Variants in MAP2K6 observed in about 807,000 individuals in gnomAD.
The protein encoded by MAP2K6 is dual specificity mitogen-activated protein kinase kinase 6.
MAP2K6 carries 16 observed loss-of-function variants against 53.7 expected under a neutral mutation model. The observed-to-expected ratio is 0.30, with a 90% CI of 0.20 to 0.45. The LOEUF is 0.45. MAP2K6 is among the 20% of genes least tolerant of loss of function. MAP2K6 has a pLI of 1.00. For synonymous variants in MAP2K6, 132 were observed against 143.1 expected, an observed-to-expected ratio of 0.92 and a Z score of 0.55; for missense variants, 204 against 411.9, an observed-to-expected ratio of 0.50 and a Z score of 4.37.
chr17:69,479,725 T>G (rs1445095738), intron 1 of MAP2K6, among the ~76,000 whole-genome samples: 1 of 151,482 alleles, frequency 6.6e-6, no homozygotes. Flanking sequence ...TGTTCTTTTT[T>G]TTTTTTTTTT....
At chr17:69,528,616 T>C (rs1910909961) in intron 10 of MAP2K6, among the ~76,000 whole-genome samples, 1 of 151,990 alleles carries the variant, frequency 6.6e-6, no homozygotes, top group Non-Finnish European at 1.5e-5. Context: ...TCCAGCACTT[T>C]GGGAGGCCAA....
chr17:69,539,149 A>C (rs947606459), intron 11 of MAP2K6, among the ~76,000 whole-genome samples: 1 of 152,220 alleles, frequency 6.6e-6, no homozygotes, highest in African/African-American at 2.4e-5. Flanking sequence ...TGTTAAACAA[A>C]GATGCCTGAC....
chr17:69,497,543 A>G (rs1282353886), intron 1 of MAP2K6, among the ~76,000 whole-genome samples: 1 of 150,902 alleles, frequency 6.6e-6, no homozygotes. Flanking sequence ...TTTCTGAAGC[A>G]TGGATGTGGC....
chr17:69,461,480 C>T (rs1205884958), intron 1 of MAP2K6, among the ~76,000 whole-genome samples: 1 of 152,130 alleles, frequency 6.6e-6, no homozygotes, highest in African/African-American at 2.4e-5. Context: ...TTGGTGAACC[C>T]GAGGGGTGGA....
intron 1 of MAP2K6, among the ~76,000 whole-genome samples, chr17:69,464,464 C>T (rs1018470650): frequency 6.6e-6 from 1 of 152,170 alleles, no homozygotes; most frequent in Non-Finnish European, 1.5e-5. Context: ...TCACTTCAAT[C>T]TCCACCTCCC....
In MAP2K6 at chr17:69,414,924, A is replaced by G; in HGVS notation, c.-61A>G. ...TTGCATCTTTGTTGCAAAACTAGCT[A>G]CAGAAGAGAAGCAAGGCAAAGTCTT... On this transcript the variant is annotated 5_prime_UTR_variant, in exon 1 of 12. Coordinates refer to ENST00000590474, the MANE Select transcript of MAP2K6 (RefSeq NM_002758.4). The G allele has an allele frequency of 6.8e-7, 1 of 1,481,084 alleles. No homozygotes were observed. The highest frequency in any genetic ancestry group is 9.4e-7 in the Non-Finnish European group (1 of 1,063,246). The allele number at this position is 1,481,084 out of a possible 1,614,324, so 91.7% of individuals were successfully genotyped here.
chr17:69,504,929 T>A (rs143940768), intron 1 of MAP2K6, among the ~76,000 whole-genome samples: 2,039 of 152,250 alleles, frequency 0.013, 28 homozygotes, highest in Middle Eastern at 0.031. Flanking sequence ...TTTTTCAAAT[T>A]ACAGCAGGTG....
intron 1 of MAP2K6, among the ~76,000 whole-genome samples, chr17:69,483,733 C>G (rs767178276): frequency 6.6e-6 from 1 of 152,020 alleles, no homozygotes; most frequent in Non-Finnish European, 1.5e-5. Context: ...CAGCGTGATG[C>G]TGGATTAAGG....
intron 1 of MAP2K6, among the ~76,000 whole-genome samples, chr17:69,467,779 G>GTT (rs796087740): frequency 4.7e-5 from 7 of 148,498 alleles, no homozygotes; most frequent in Admixed American, 2.0e-4. Context: ...TTAGTTTCGT[G>GTT]TTTTTTTTTT....
At chr17:69,534,698 A>G (rs753948712) in intron 10 of MAP2K6, among the ~76,000 whole-genome samples, 4 of 152,102 alleles carry the variant, frequency 2.6e-5, no homozygotes, top group Non-Finnish European at 4.4e-5. Context: ...CACGTCACAC[A>G]TGCTAGGTCT....
chr17:69,433,132 A>G (rs1906520542), intron 1 of MAP2K6: 1 of 152,262 alleles, frequency 6.6e-6, no homozygotes, highest in African/African-American at 2.4e-5. Flanking sequence ...GGCAAGAGAT[A>G]TCAGGCAAAA....
chr17:69,491,730 G>GTTATTATTATTATTATTATTATTA (rs55714549), intron 1 of MAP2K6, among the ~76,000 whole-genome samples: 102 of 142,488 alleles, frequency 7.2e-4, no homozygotes, highest in African/African-American at 2.0e-3. Context: ...GCTGGCATCT[G>GTTATTATTATTATTATTATTATTA]TTATTATTAT....
At chr17:69,541,574 G>C (rs1422095671) in intron 11 of MAP2K6, 102 bp from the exon 12 acceptor site, 3 of 816,750 alleles carry the variant, frequency 3.7e-6, no homozygotes, top group African/African-American at 1.7e-5. Context: ...GCTCTGATAG[G>C]GATACTTAAT....
At chr17:69,472,384 T>C (rs1250991049) in intron 1 of MAP2K6, among the ~76,000 whole-genome samples, 1 of 152,328 alleles carries the variant, frequency 6.6e-6, no homozygotes, top group East Asian at 1.9e-4. Flanking sequence ...CAACATTGTT[T>C]TATTATAGTG....
At chr17:69,519,178 C>T (rs1336353153) in intron 4 of MAP2K6, 135 bp from the exon 5 acceptor site, 1 of 864,580 alleles carries the variant, frequency 1.2e-6, no homozygotes, top group South Asian at 1.9e-5. Context: ...AATAGCTAAT[C>T]ACTTTGGGTG....
intron 1 of MAP2K6, among the ~76,000 whole-genome samples, chr17:69,486,667 A>G (rs1220692027): frequency 6.6e-6 from 1 of 152,208 alleles, no homozygotes; most frequent in Non-Finnish European, 1.5e-5. Context: ...TAAGGATCGC[A>G]GACACAACTT....
At chr17:69,432,628 GA>G (rs1906499748) in intron 1 of MAP2K6, among the ~76,000 whole-genome samples, 1 of 126,738 alleles carries the variant, frequency 7.9e-6, no homozygotes, top group African/African-American at 3.1e-5. Context: ...ACAGGGAGAG[GA>G]AAAACACACA....
chr17:69,519,469 A>G, intron 5 of MAP2K6, 37 bp downstream of exon 5: 1 of 1,611,584 alleles, frequency 6.2e-7, no homozygotes, highest in Non-Finnish European at 8.5e-7. Context: ...AAGAGGAACA[A>G]TAACTTAAAA....
At chr17:69,487,925 A>G (rs1403680488) in intron 1 of MAP2K6, among the ~76,000 whole-genome samples, 1 of 152,214 alleles carries the variant, frequency 6.6e-6, no homozygotes, top group African/African-American at 2.4e-5. Context: ...AAATATTACA[A>G]ATTACCTCCT....
Sources: allele counts gnomAD v4.1 joint callset (sites outside exome capture counted in the v4.1 genomes callset), GRCh38; gene constraint gnomAD v4.1.1; transcripts MANE v1.5; gene names NCBI Gene and HGNC (gene_info 2026-07-23, HGNC 2026-07-21).